Variants in SEPTIN3 observed in about 807,000 individuals in gnomAD.
SEPTIN3 encodes neuronal-specific septin-3.
SEPTIN3 carries 15 observed loss-of-function variants against 45.1 expected under a neutral mutation model. That is an observed-to-expected ratio of 0.33 (90% confidence interval 0.22 to 0.51). The LOEUF is 0.51. Ranked by LOEUF, SEPTIN3 falls within the 20% of genes least tolerant of loss-of-function variation. The probability of loss-of-function intolerance (pLI) is 0.97; values close to 1 mark genes in which losing one functional copy is unlikely to be tolerated. For synonymous variants in SEPTIN3, 148 were observed against 164.8 expected (o/e 0.90, Z 0.78); for missense variants, 289 against 457.2 (o/e 0.63, Z 3.35).
chr22:41,987,343 C>T, intron 5 of SEPTIN3, 56 bp downstream of exon 5: 1 of 1,466,436 alleles, frequency 6.8e-7, no homozygotes, highest in Non-Finnish European at 9.5e-7. Context: ...AAGATACTTA[C>T]TATGGTGCAG....
At chr22:41,984,558 C>CA (rs2078171499) in intron 3 of SEPTIN3, among the ~76,000 whole-genome samples, 1 of 152,208 alleles carries the variant, frequency 6.6e-6, no homozygotes, top group South Asian at 2.1e-4. Context: ...TCTTTTGAGA[C>CA]AGAGTCTCGC....
At position 41,987,775 on chromosome 22, in the gene SEPTIN3, A is replaced by G; in HGVS notation, c.2045+16A>G. The G allele has an allele frequency of 4.4e-6, 7 of 1,599,136 alleles. No homozygotes were observed. Among genetic ancestry groups the G allele is most frequent in the Non-Finnish European group, 6.0e-6 (7 of 1,168,212 alleles). ...CAGGACACTCGTATGTACCAACCCT[A>G]CCCCTATTGTCAGGCCTGGTCTGGT... is the stretch of plus-strand genomic sequence containing the variant. On this transcript the variant is annotated intron_variant, in intron 6 of 11. Transcript: ENST00000644076.
At chr22:41,973,797 A>G (rs1346739742) in intron 2 of SEPTIN3, among the ~76,000 whole-genome samples, 4 of 152,092 alleles carry the variant, frequency 2.6e-5, no homozygotes, top group African/African-American at 9.7e-5. Flanking sequence ...CCTGGCCAAC[A>G]TGGTGATACC....
At chr22:41,971,330 C>G (rs1052519185) in intron 1 of SEPTIN3, 144 bp from the exon 2 acceptor site, 1 of 397,200 alleles carries the variant, frequency 2.5e-6, no homozygotes, top group African/African-American at 2.1e-5. Flanking sequence ...TACATGCATC[C>G]TCCACTAAGG....
chr22:41,987,613 C>T lies in SEPTIN3; in HGVS notation c.1908-9C>T. The T allele has an allele frequency of 1.2e-6, 2 of 1,604,776 alleles. No homozygotes were observed. The highest frequency in any genetic ancestry group is 2.2e-5 in the East Asian group (1 of 44,626). On this transcript the variant is annotated splice_polypyrimidine_tract_variant and intron_variant, in intron 5 of 11. Coordinates refer to ENST00000644076, the MANE Select transcript of SEPTIN3 (RefSeq NM_001363845.2). ...TCTGATGCATCTATCTACTTTCCCT[C>T]CCCATCAGCTGGGAGCCCATTGAGA... is the stretch of plus-strand genomic sequence containing the variant.
Position 41,987,205 on chromosome 22 carries a change from G to A in SEPTIN3, c.1826-1G>A. On this transcript the variant is annotated splice_acceptor_variant, in intron 4 of 11. Transcript: ENST00000644076. LOFTEE classifies it high-confidence loss of function. ...CTGGTACATTTTCTTTTCACCCCCA[G>A]TGATAGAGGAAGGCGGTGTCAAAAT... is the stretch of plus-strand genomic sequence containing the variant. 6.2e-7 allele frequency: 1 copy of A among 1,612,766 alleles called. No individual in the cohort carries two copies. The highest frequency in any genetic ancestry group is 8.5e-7 in the Non-Finnish European group (1 of 1,179,278).
Position 41,997,176 on chromosome 22 carries a change from C to T in SEPTIN3, c.*209C>T, listed in dbSNP as rs372059424. ...TCCTCCCAGTGGAGTGGGGTTCTGC[C>T]AGTACAGCCCTACTGCATCATCTGC... On this transcript the variant is annotated 3_prime_UTR_variant, in exon 12 of 12. Coordinates refer to ENST00000644076, the MANE Select transcript of SEPTIN3 (RefSeq NM_001363845.2). The T allele has an allele frequency of 3.4e-6, 3 of 891,254 alleles. No individual in the cohort carries two copies. Among genetic ancestry groups the T allele is most frequent in the Non-Finnish European group, 1.7e-6 (1 of 603,882 alleles). 55.2% of individuals were successfully genotyped at this position (891,254 alleles called of 1,614,324 possible).
chr22:41,984,767 G>A (rs2085535563), intron 3 of SEPTIN3, among the ~76,000 whole-genome samples: 1 of 151,306 alleles, frequency 6.6e-6, no homozygotes, highest in Non-Finnish European at 1.5e-5. Flanking sequence ...GGCCTCAAGT[G>A]ATCTGCCCGC....
rs755254281 is a variant in SEPTIN3, at chr22:41,996,887, T to C, written c.2506-15T>C. On this transcript the variant is annotated splice_polypyrimidine_tract_variant and intron_variant, in intron 11 of 11. Transcript: ENST00000644076. ...CTGGTCTCCACACCCTCAACCGTTC[T>C]CAACCCCCCTGCAGGGAGAAGGCCT... is the stretch of plus-strand genomic sequence containing the variant. The C allele has an allele frequency of 6.2e-7, 1 of 1,613,634 alleles. No individual in the cohort carries two copies. Among genetic ancestry groups the C allele is most frequent in the Admixed American group, 1.7e-5 (1 of 59,962 alleles).
intron 3 of SEPTIN3, chr22:41,985,720 G>A (rs1602416715): frequency 3.1e-6 from 1 of 325,812 alleles, no homozygotes; most frequent in Non-Finnish European, 5.8e-6. Context: ...ATATGCAGAG[G>A]TTGTCCCTTT....
chr22:41,988,153 G>A (rs1317751646), intron 6 of SEPTIN3, among the ~76,000 whole-genome samples: 1 of 152,086 alleles, frequency 6.6e-6, no homozygotes, highest in African/African-American at 2.4e-5. Context: ...ATAGGGCAGT[G>A]CAGGGCTCCT....
At chr22:41,978,835 C>T (rs998512080) in intron 2 of SEPTIN3, among the ~76,000 whole-genome samples, 1 of 150,814 alleles carries the variant, frequency 6.6e-6, no homozygotes, top group Non-Finnish European at 1.5e-5. Context: ...AGAAGAGGGC[C>T]ATCCACATCA....
At chr22:41,991,534 C>A in intron 7 of SEPTIN3, 39 bp from the exon 8 acceptor site, 1 of 1,469,584 alleles carries the variant, frequency 6.8e-7, no homozygotes, top group South Asian at 1.1e-5. Context: ...TTCCATTACC[C>A]TGACACTTGA....
Position 41,994,965 on chromosome 22 carries a change from G to T in SEPTIN3, c.2505+251G>T. 1 of 1,393,240 alleles carries T rather than the reference G, an allele frequency of 7.2e-7. No individual in the cohort carries two copies. The highest frequency in any genetic ancestry group is 9.3e-7 in the Non-Finnish European group (1 of 1,072,632). 86.3% of individuals were successfully genotyped at this position (1,393,240 alleles called of 1,614,324 possible). A position where few individuals can be genotyped will look rare whatever the true frequency, so the allele number is the denominator to read the frequency against. On this transcript the variant is annotated intron_variant, in intron 11 of 11. Transcript: ENST00000644076. This position sits in a 1 kb window ranked among gnomAD's most constrained non-coding sequence, Gnocchi z 4.2. ...AGAGCCTGTGTGTGTGCATGCAGGG[G>T]TGAGGTATTTTCACTGCCCTCCCTG...
At position 41,971,775 on chromosome 22, in the gene SEPTIN3, C is replaced by T; in HGVS notation, c.283C>T (p.Pro95Ser). ...CATCGCTCTGGGGGCTTCCTTGAGC[C>T]CCCTGCCCACCAGCAGCCTTGTACC... The part of the protein sequence containing the change: ...TGIALGASLS[P>S]LPTSSLVPRK... The change falls in exon 2 of 12, where the codon CCC becomes TCC. Residue 95 changes from proline (P) to serine (S), a missense_variant. By Grantham distance (74) the Pro-to-Ser change is moderately conservative. This residue lies in a region of SEPTIN3 where 200 missense variants were observed against 315.1 expected (regional missense o/e 0.63). Coordinates refer to ENST00000644076, the MANE Select transcript of SEPTIN3 (RefSeq NM_001363845.2). 3 of 399,266 alleles carry T rather than the reference C, an allele frequency of 7.5e-6. No homozygotes were observed. The highest frequency in any genetic ancestry group is 1.3e-4 in the South Asian group (1 of 7,860). The allele number at this position is 399,266 out of a possible 1,614,324, so 24.7% of individuals were successfully genotyped here. A position where few individuals can be genotyped will look rare whatever the true frequency, so the allele number is the denominator to read the frequency against.
intron 7 of SEPTIN3, among the ~76,000 whole-genome samples, chr22:41,990,745 CAA>C (rs71184855): frequency 4.1e-5 from 4 of 96,544 alleles, no homozygotes; most frequent in African/African-American, 1.9e-4. Flanking sequence ...CACTCTATCT[CAA>C]AAAAAAAAAA....
chr22:41,994,624 C>T lies in SEPTIN3; in HGVS notation c.2415C>T (p.Thr805=), dbSNP rs1207048699. The change falls in exon 11 of 12, where the codon ACC becomes ACT. Residue 805 remains threonine (T), a synonymous_variant. Coordinates refer to ENST00000644076, the MANE Select transcript of SEPTIN3 (RefSeq NM_001363845.2). The surrounding 1 kb of genome is among the most constrained non-coding windows in gnomAD (Gnocchi z 4.2). ...CTTCTCACCCTGTGTCCTCTAGGAC[C>T]CACCTCCAGGACCTCAAGGAAGTGA... The part of the protein sequence containing the change: ...FALLRDFVIR[T]HLQDLKEVTH... 1.2e-6 allele frequency: 2 copies of T among 1,614,100 alleles called. No homozygotes were observed. The highest frequency in any genetic ancestry group is 2.2e-5 in the South Asian group (2 of 91,080).
At position 41,994,713 on chromosome 22, in the gene SEPTIN3, C is replaced by T. The variant is rs369032977; in HGVS notation, c.2504C>T (p.Pro835Leu). Residue 835 changes from proline to leucine, a missense_variant and splice_region_variant, in exon 11 of 12, where the codon CCG becomes CTG. Coordinates refer to ENST00000644076, the MANE Select transcript of SEPTIN3 (RefSeq NM_001363845.2). This position sits in a 1 kb window ranked among gnomAD's most constrained non-coding sequence, Gnocchi z 4.2. ...KRLNDNGGLPPGEGLLGTVLP... is the reference protein window; with the variant it reads ...KRLNDNGGLPLGEGLLGTVLP... ...CTCAATGACAATGGAGGCCTCCCTC[C>T]GGTGAGCGTGGACACAGAGGAAAGC... The T allele has an allele frequency of 8.1e-6, 13 of 1,614,140 alleles. No homozygotes were observed. The highest frequency in any genetic ancestry group is 1.6e-4 in the Middle Eastern group (1 of 6,062).
Position 41,994,790 on chromosome 22 carries a change from T to C in SEPTIN3, c.2505+76T>C. On this transcript the variant is annotated intron_variant, in intron 11 of 11. Coordinates refer to ENST00000644076, the MANE Select transcript of SEPTIN3 (RefSeq NM_001363845.2). This position sits in a 1 kb window ranked among gnomAD's most constrained non-coding sequence, Gnocchi z 4.2. The stretch of plus-strand genomic sequence containing the variant: ...TCTCTGTGTCATCACACATACCCAC[T>C]TCACACACACACATCCCAAATACCA... The C allele has an allele frequency of 6.2e-7, 1 of 1,612,266 alleles. No homozygotes were observed. The highest frequency in any genetic ancestry group is 8.5e-7 in the Non-Finnish European group (1 of 1,179,436).
Sources: gnomAD v4.1 joint callset for allele counts (sites outside exome capture counted in the v4.1 genomes callset) on GRCh38, gnomAD v4.1.1 for gene constraint, gnomAD v4.1.1 regional missense constraint, Gnocchi (gnomAD v3.1) non-coding constraint, MANE v1.5 for transcripts, NCBI Gene and HGNC (gene_info 2026-07-23, HGNC 2026-07-21) for gene names.